Variants in DMD observed in about 807,000 individuals in gnomAD.
DMD encodes the protein dystrophin.
In DMD, 63 loss-of-function variants were observed where a neutral mutation model predicts 330.1. The ratio of observed to expected loss-of-function variants is 0.19; its 90% CI spans 0.16 to 0.24. The LOEUF (loss-of-function observed/expected upper bound fraction) is 0.24, where lower values mean the gene tolerates loss of function less well. Among genes scored for constraint, DMD ranks in the 10% least tolerant of loss-of-function variants. The pLI is 1.00. For missense variants in DMD, 3,344 were observed against 2,684.1 expected (o/e 1.25, Z -5.43); for synonymous variants, 1,223 against 959.8 (o/e 1.27, Z -5.07).
chrX:31,474,660 G>A (rs1158980854), intron 59 of DMD, among the ~76,000 whole-genome samples: 2 of 103,239 alleles, frequency 1.9e-5, no homozygotes, highest in South Asian at 4.4e-4. Context: ...AGTGAGCCGA[G>A]ATAGCACCAC....
In DMD at chrX:31,774,221, G is replaced by C. The variant is rs190225576; in HGVS notation, c.7310-29C>G. The C allele has an allele frequency of 4.3e-4, 453 of 1,052,099 alleles. 2 individuals are homozygous for C. In the African/African-American group the frequency reaches 6.6e-3, roughly 15 times the overall value. The allele number at this position is 1,052,099 out of a possible 1,213,427, so 86.7% of individuals were successfully genotyped here. ...AAATATTTTGGGTTTTTGCAAAAAG[G>C]AAAAAAGAAGAAAAAGAAAAATTAG... On this transcript the variant is annotated intron_variant, in intron 50 of 78. Transcript: ENST00000357033.
intron 3 of DMD, among the ~76,000 whole-genome samples, chrX:32,848,991 C>G (rs756128025): frequency 2.7e-5 from 3 of 110,786 alleles, no homozygotes; most frequent in Admixed American, 1.9e-4. Flanking sequence ...CTGTGTGTGT[C>G]TGTGTGTGTA....
chrX:32,432,037 T>C (rs1174988009), intron 29 of DMD, among the ~76,000 whole-genome samples: 1 of 112,036 alleles, frequency 8.9e-6, no homozygotes, highest in Non-Finnish European at 1.9e-5. Flanking sequence ...TGTTTGGATA[T>C]TTCTTTACCC....
At chrX:32,348,138 T>G (rs1324489335) in intron 38 of DMD, among the ~76,000 whole-genome samples, 4 of 111,309 alleles carry the variant, frequency 3.6e-5, no homozygotes, top group African/African-American at 1.3e-4. Flanking sequence ...CCAATTACAT[T>G]TTGCCCTTGA....
rs1057519106 is a variant in DMD at position 31,836,731 on chromosome X, G to A, written c.7187C>T (p.Thr2396Ile). ...TTGCTTCATTACCTTCACTGGCTGA[G>A]TGGCTGGTTTTTCCTTGTACAAATG... ...GQHLYKEKPA[T>I]QPVKRKLEDL... Residue 2396 changes from threonine (T) to isoleucine (I), a missense_variant, in exon 49 of 79, where the codon ACT (threonine) becomes ATT (isoleucine). Transcript: ENST00000357033. 30 of 1,209,095 alleles carry A rather than the reference G, an allele frequency of 2.5e-5. No homozygotes were observed. The highest frequency in any genetic ancestry group is 3.1e-5 in the Non-Finnish European group (28 of 894,253).
chrX:31,751,173 G>A (rs1387861634), intron 51 of DMD, among the ~76,000 whole-genome samples: 1 of 109,186 alleles, frequency 9.2e-6, no homozygotes, highest in Admixed American at 9.9e-5. Context: ...AACCAAAAAA[G>A]AGCCCGCATC....
At chrX:31,727,831 C>T (rs149365310) in intron 52 of DMD, among the ~76,000 whole-genome samples, 1,223 of 112,205 alleles carry the variant, frequency 0.011, 21 homozygotes, top group African/African-American at 0.036. Flanking sequence ...GCAATCACTA[C>T]AACTGAAAGA....
At chrX:32,856,902 C>T (rs887074254) in intron 2 of DMD, among the ~76,000 whole-genome samples, 5 of 110,683 alleles carry the variant, frequency 4.5e-5, no homozygotes, top group East Asian at 2.9e-4. Context: ...AGTGAAACCC[C>T]GTCTCTACTA....
At chrX:32,104,123 T>A (rs1311626750) in intron 44 of DMD, among the ~76,000 whole-genome samples, 1 of 111,401 alleles carries the variant, frequency 9.0e-6, no homozygotes, top group Non-Finnish European at 1.9e-5. Context: ...AAGAAATCAA[T>A]AATGATTATC....
intron 4 of DMD, among the ~76,000 whole-genome samples, chrX:32,824,229 T>C (rs927110638): frequency 1.8e-5 from 2 of 111,776 alleles, no homozygotes; most frequent in Non-Finnish European, 3.8e-5. Flanking sequence ...GTACTTATTA[T>C]ACAATCTGGT....
chrX:32,014,215 C>G lies in DMD; in HGVS notation c.6439-45701G>C, dbSNP rs751956296. Among the ~76,000 whole-genome samples the G allele has an allele frequency of 4.1e-3, 458 of 111,913 alleles. 1 individual carries two copies. The highest frequency in any genetic ancestry group is 6.4e-3 in the Non-Finnish European group (338 of 53,138). ...AGCCACCTGAAGTAATTCATGGGGT[C>G]ATAACGTGCACTTTTAGTGTATGAT... On this transcript the variant is annotated intron_variant, in intron 44 of 78. Coordinates refer to ENST00000357033, the MANE Select transcript of DMD (RefSeq NM_004006.3).
intron 7 of DMD, among the ~76,000 whole-genome samples, chrX:32,737,987 C>T (rs1358135701): frequency 3.6e-5 from 4 of 111,497 alleles, no homozygotes; most frequent in Non-Finnish European, 7.5e-5. Flanking sequence ...GATTCAAAAA[C>T]GGCTTCATAT....
chrX:32,834,878 G>A (rs990451814), intron 4 of DMD, among the ~76,000 whole-genome samples: 6 of 111,125 alleles, frequency 5.4e-5, no homozygotes, highest in Non-Finnish European at 5.7e-5. Context: ...AAAAGGGATC[G>A]GAATTCATAA....
At position 32,364,661 on chromosome X, in the gene DMD, G is replaced by C. The variant is rs755587394; in HGVS notation, c.5075C>G (p.Thr1692Arg). 4.1e-6 allele frequency: 5 copies of C among 1,206,987 alleles called. No individual in the cohort carries two copies. In the East Asian group the frequency reaches 1.5e-4, roughly 36 times the overall value. Residue 1692 changes from threonine (T) to arginine (R), a missense_variant, in exon 36 of 79, where the codon ACA (threonine) becomes AGA (arginine). Transcript: ENST00000357033. ...TGTGTCAGCCTGAATGATCCACTTT[G>C]TGATGTGGTCCACATTCTGGTCAAA... ...ETFDQNVDHI[T>R]KWIIQADTLL...
At chrX:32,580,203 A>G (rs1357666751) in intron 13 of DMD, among the ~76,000 whole-genome samples, 1 of 110,956 alleles carries the variant, frequency 9.0e-6, no homozygotes, top group Non-Finnish European at 1.9e-5. Flanking sequence ...TTATCGTTTT[A>G]TACCTCGCAG....
In DMD at chrX:31,494,120, CA is replaced by C. The variant is rs763504002; in HGVS notation, c.8547+2667del. 2.6e-3 allele frequency among the ~76,000 whole-genome samples: 242 copies of C among 94,354 alleles called. 1 individual carries two copies. The highest frequency in any genetic ancestry group is 3.9e-3 in the Non-Finnish European group (191 of 48,884). The allele number at this position is 94,354 out of a possible 115,157, so 81.9% of individuals were successfully genotyped here. On this transcript the variant is annotated intron_variant, in intron 57 of 78. Coordinates refer to ENST00000357033, the MANE Select transcript of DMD (RefSeq NM_004006.3). ...GCAGTGAGCCAAGATTGTGCCATTG[CA>C]ACTCCAGCCTGGTGACAGAGCAAGA...
intron 7 of DMD, among the ~76,000 whole-genome samples, chrX:32,731,927 G>A (rs2067729189): frequency 1.8e-5 from 2 of 112,267 alleles, no homozygotes; most frequent in African/African-American, 3.2e-5. Flanking sequence ...ACTTTGACGA[G>A]CTGAGAGAAG....
At chrX:32,249,362 A>G (rs919728206) in intron 43 of DMD, among the ~76,000 whole-genome samples, 1 of 111,731 alleles carries the variant, frequency 9.0e-6, no homozygotes, top group Non-Finnish European at 1.9e-5. Flanking sequence ...CTTATCAAAT[A>G]TCCTACTAAA....
At chrX:32,502,800 C>G (rs1197852513) in intron 18 of DMD, among the ~76,000 whole-genome samples, 1 of 110,431 alleles carries the variant, frequency 9.1e-6, no homozygotes, top group African/African-American at 3.3e-5. Context: ...AAAAATATTT[C>G]CAGGTAAAAT....
Sources: gnomAD v4.1 joint callset for allele counts (sites outside exome capture counted in the v4.1 genomes callset) on GRCh38, gnomAD v4.1.1 for gene constraint, MANE v1.5 for transcripts, NCBI Gene and HGNC (gene_info 2026-07-23, HGNC 2026-07-21) for gene names.